ZNF385D: variants seen among roughly 807,000 people sequenced by gnomAD.
ZNF385D encodes zinc finger protein 385D.
ZNF385D carries 15 observed loss-of-function variants against 35.8 expected under a neutral mutation model. The ratio of observed to expected loss-of-function variants is 0.42; its 90% CI spans 0.28 to 0.64. The LOEUF is 0.64. Ranked by LOEUF, ZNF385D falls within the 30% of genes least tolerant of loss-of-function variation. The pLI, the probability that ZNF385D is intolerant of heterozygous loss-of-function variation, is 0.23. For missense variants in ZNF385D, 474 were observed against 494.6 expected (o/e 0.96, Z 0.39); for synonymous variants, 212 against 186.8 (o/e 1.13, Z -1.10).
chr3:21,938,199 T>C (rs1440357377), intron 3 of ZNF385D, among the ~76,000 whole-genome samples: 1 of 152,230 alleles, frequency 6.6e-6, no homozygotes, highest in African/African-American at 2.4e-5. Context: ...TTTGTTCTAA[T>C]ACCTAAGTAG....
At chr3:22,003,933 T>C (rs753327983) in intron 3 of ZNF385D, among the ~76,000 whole-genome samples, 2 of 145,312 alleles carry the variant, frequency 1.4e-5, no homozygotes, top group African/African-American at 5.0e-5. Context: ...AGACCCCAAA[T>C]AGTCAAAGCA....
intron 2 of ZNF385D, among the ~76,000 whole-genome samples, chr3:21,596,631 C>G (rs1008670976): frequency 2.0e-5 from 3 of 147,422 alleles, no homozygotes; most frequent in Non-Finnish European, 4.5e-5. Flanking sequence ...CAGGCAACAT[C>G]ATGCTTGACT....
intron 3 of ZNF385D, among the ~76,000 whole-genome samples, chr3:21,982,688 T>C (rs139668610): frequency 6.6e-6 from 1 of 152,296 alleles, no homozygotes; most frequent in Non-Finnish European, 1.5e-5. Flanking sequence ...ACTGCTAGCT[T>C]TTGCCTATTC....
rs545572625 is a variant in ZNF385D, at chr3:21,994,288, T to G, written c.325+174529A>C. On this transcript the variant is annotated intron_variant, in intron 3 of 5. Transcript: ENST00000494108. ...AATTGGAGATATGATACAGGGAAAG[T>G]GATAAGTTGAGATTATGCCAAAGTG... 2.0e-5 allele frequency among the ~76,000 whole-genome samples: 3 copies of G among 152,336 alleles called. No homozygotes were observed. The South Asian group carries it at 6.2e-4, about 32-fold the overall frequency.
chr3:21,795,181 G>C (rs2072094963), intron 3 of ZNF385D, among the ~76,000 whole-genome samples: 3 of 152,274 alleles, frequency 2.0e-5, no homozygotes, highest in African/African-American at 4.8e-5. Flanking sequence ...AACAGTATTT[G>C]CCTGCTCTAA....
chr3:21,858,079 T>A (rs950124951), intron 3 of ZNF385D, among the ~76,000 whole-genome samples: 3 of 151,340 alleles, frequency 2.0e-5, no homozygotes, highest in African/African-American at 7.3e-5. Flanking sequence ...GGAGAATCAC[T>A]TGAACCCAGG....
Position 22,361,828 on chromosome 3 carries a change from A to G in ZNF385D, c.106+10622T>C, listed in dbSNP as rs571683446. On this transcript the variant is annotated intron_variant, in intron 2 of 5. Transcript: ENST00000494108. ...TTCTTAGTTTTGCTTCCTTATCTAAAAAAAGAAAGTAAGGCCTACCCACCT... is the reference window on the plus strand; with the variant it reads ...TTCTTAGTTTTGCTTCCTTATCTAAGAAAAGAAAGTAAGGCCTACCCACCT... 5.3e-5 allele frequency among the ~76,000 whole-genome samples: 8 copies of G among 152,114 alleles called. No individual in the cohort carries two copies. In the South Asian group the frequency reaches 1.5e-3, roughly 28 times the overall value.
chr3:21,764,491 C>A (rs188945233), intron 3 of ZNF385D, among the ~76,000 whole-genome samples: 1 of 152,126 alleles, frequency 6.6e-6, no homozygotes, highest in Middle Eastern at 3.2e-3. Context: ...ATCTCTGGTA[C>A]AAGCCACAGT....
At chr3:21,948,622 A>G (rs1216365508) in intron 3 of ZNF385D, among the ~76,000 whole-genome samples, 1 of 152,036 alleles carries the variant, frequency 6.6e-6, no homozygotes, top group Non-Finnish European at 1.5e-5. Flanking sequence ...TAATATTTTG[A>G]TTTATCAGTT....
chr3:21,701,234 C>T (rs1017810159), intron 1 of ZNF385D, among the ~76,000 whole-genome samples: 18 of 152,272 alleles, frequency 1.2e-4, no homozygotes, highest in East Asian at 3.9e-4. Context: ...CAGTTCCACA[C>T]GGCTCGGTAG....
intron 2 of ZNF385D, among the ~76,000 whole-genome samples, chr3:22,327,559 G>A (rs1226768331): frequency 6.6e-6 from 1 of 152,130 alleles, no homozygotes; most frequent in Non-Finnish European, 1.5e-5. Context: ...GAAGTCCAAG[G>A]ATTTCCTGAA....
chr3:21,536,476 T>G (rs185118503), intron 3 of ZNF385D, among the ~76,000 whole-genome samples: 16 of 152,160 alleles, frequency 1.1e-4, no homozygotes, highest in African/African-American at 3.9e-4. Flanking sequence ...GAAGCCCAGT[T>G]TGGGGAGGGC....
intron 1 of ZNF385D, among the ~76,000 whole-genome samples, chr3:21,719,751 T>C (rs9877023): frequency 0.028 from 4,208 of 152,258 alleles, 211 homozygotes; most frequent in African/African-American, 0.096. Context: ...TCTCAGAGTA[T>C]AATGTCTATT....
chr3:22,114,168 TAAAGAC>T (rs1301001287), intron 3 of ZNF385D, among the ~76,000 whole-genome samples: 1 of 152,074 alleles, frequency 6.6e-6, no homozygotes, highest in Non-Finnish European at 1.5e-5. Context: ...AAATATCTGT[TAAAGAC>T]TAAGTGAAAA....
chr3:22,313,663 CAG>C (rs1240909083), intron 2 of ZNF385D, among the ~76,000 whole-genome samples: 4 of 152,112 alleles, frequency 2.6e-5, no homozygotes, highest in African/African-American at 9.7e-5. Context: ...AAAGGTAAAA[CAG>C]ATGATGAGTA....
chr3:22,328,339 T>C (rs1239716850), intron 2 of ZNF385D, among the ~76,000 whole-genome samples: 1 of 152,148 alleles, frequency 6.6e-6, no homozygotes, highest in Non-Finnish European at 1.5e-5. Flanking sequence ...AATTTTACAA[T>C]TCTGATTATA....
intron 3 of ZNF385D, among the ~76,000 whole-genome samples, chr3:21,760,774 A>C (rs1254591427): frequency 3.3e-5 from 5 of 152,218 alleles, no homozygotes; most frequent in African/African-American, 1.2e-4. Context: ...CAAAAATTAC[A>C]TTTAACTGAG....
intron 3 of ZNF385D, among the ~76,000 whole-genome samples, chr3:21,892,773 TACTCACGTGCAAG>T (rs1698938446): frequency 6.6e-6 from 1 of 152,172 alleles, no homozygotes; most frequent in Non-Finnish European, 1.5e-5. Context: ...AAAAACTATT[TACTCACGTGCAAG>T]ATAACGCCAA....
chr3:22,232,467 G>T (rs1001720588), intron 2 of ZNF385D, among the ~76,000 whole-genome samples: 1 of 152,002 alleles, frequency 6.6e-6, no homozygotes, highest in African/African-American at 2.4e-5. Context: ...ACATACACGT[G>T]CCATGGTGGT....
Sources: allele counts gnomAD v4.1 joint callset (sites outside exome capture counted in the v4.1 genomes callset), GRCh38; gene constraint gnomAD v4.1.1; transcripts MANE v1.5; gene names NCBI Gene and HGNC (gene_info 2026-07-23, HGNC 2026-07-21).